SYT1: variants seen among roughly 807,000 people sequenced by gnomAD.
The protein encoded by SYT1 is synaptotagmin-1.
A neutral mutation model predicts 44.8 loss-of-function variants in SYT1; 8 were observed. The observed-to-expected ratio is 0.18, with a 90% confidence interval of 0.10 to 0.32. The LOEUF is 0.32. Among genes scored for constraint, SYT1 ranks in the 10% least tolerant of loss-of-function variants. The pLI, the probability that SYT1 is intolerant of heterozygous loss-of-function variation, is 1.00. For synonymous variants in SYT1, 154 were observed against 188.8 expected (o/e 0.82, Z 1.51); for missense variants, 286 against 509.3 (o/e 0.56, Z 4.22).
intron 2 of SYT1, among the ~76,000 whole-genome samples, chr12:78,995,203 C>A (rs749579879): frequency 2.0e-5 from 3 of 152,180 alleles, no homozygotes; most frequent in Non-Finnish European, 4.4e-5. Context: ...GAAGTTTTAA[C>A]AAGAATCCCC....
intron 4 of SYT1, among the ~76,000 whole-genome samples, chr12:79,280,811 GATA>G (rs1195606326): frequency 6.6e-6 from 1 of 151,424 alleles, no homozygotes; most frequent in Non-Finnish European, 1.5e-5. Flanking sequence ...AAGAAAAAAA[GATA>G]ATAATCCCAT....
intron 3 of SYT1, among the ~76,000 whole-genome samples, chr12:79,170,236 A>C (rs1036934246): frequency 1.3e-5 from 2 of 152,124 alleles, no homozygotes; most frequent in African/African-American, 4.8e-5. Context: ...GCTGGGTCAA[A>C]TGGTAGTTCT....
chr12:79,202,015 A>G (rs1440099849), intron 3 of SYT1, among the ~76,000 whole-genome samples: 1 of 152,198 alleles, frequency 6.6e-6, no homozygotes, highest in Non-Finnish European at 1.5e-5. Flanking sequence ...ATCTATAATT[A>G]CTGAATAAAA....
chr12:79,348,683 A>G (rs1181433972), intron 8 of SYT1, among the ~76,000 whole-genome samples: 2 of 152,154 alleles, frequency 1.3e-5, no homozygotes, highest in Non-Finnish European at 2.9e-5. Context: ...TTCAGAAAAT[A>G]TGACAGAAAT....
chr12:79,433,509 T>C (rs906340308), intron 9 of SYT1, among the ~76,000 whole-genome samples: 2 of 152,192 alleles, frequency 1.3e-5, no homozygotes, highest in Non-Finnish European at 2.9e-5. Context: ...AAAATCTCGC[T>C]AGTGACCTTT....
chr12:79,018,382 T>C (rs902462789), intron 2 of SYT1, among the ~76,000 whole-genome samples: 7 of 151,100 alleles, frequency 4.6e-5, no homozygotes, highest in Admixed American at 4.0e-4. Context: ...TTAGGAGATA[T>C]ACCTAATGCT....
chr12:79,068,599 T>C (rs1196021906), intron 3 of SYT1, among the ~76,000 whole-genome samples: 1 of 152,132 alleles, frequency 6.6e-6, no homozygotes, highest in African/African-American at 2.4e-5. Context: ...AAAAGTTTCA[T>C]AGGAAAAAGA....
intron 4 of SYT1, among the ~76,000 whole-genome samples, chr12:79,241,442 T>C (rs970532763): frequency 6.6e-6 from 1 of 152,076 alleles, no homozygotes; most frequent in Non-Finnish European, 1.5e-5. Flanking sequence ...GGCTAATTTT[T>C]TGTATTTTTA....
At chr12:79,340,327 G>C (rs545211314) in intron 8 of SYT1, among the ~76,000 whole-genome samples, 35 of 152,076 alleles carry the variant, frequency 2.3e-4, no homozygotes, top group Non-Finnish European at 4.9e-4. Context: ...CCATTTGCTT[G>C]TGTCCTCTTT....
intron 3 of SYT1, among the ~76,000 whole-genome samples, chr12:79,179,478 G>GATATAGATATATCTATATAGATAT (rs1565842326): frequency 5.6e-5 from 1 of 17,996 alleles, no homozygotes; most frequent in African/African-American, 2.0e-4. Flanking sequence ...TATAGATATA[G>GATATAGATATATCTATATAGATAT]AGATATAGAT....
intron 8 of SYT1, among the ~76,000 whole-genome samples, chr12:79,349,068 G>T (rs1047027187): frequency 3.0e-5 from 4 of 135,106 alleles, no homozygotes; most frequent in Non-Finnish European, 6.3e-5. Flanking sequence ...GAGGGAGGGA[G>T]GGAGGGAGGG....
At chr12:79,135,457 A>T (rs1186476257) in intron 3 of SYT1, among the ~76,000 whole-genome samples, 1 of 152,136 alleles carries the variant, frequency 6.6e-6, no homozygotes, top group African/African-American at 2.4e-5. Flanking sequence ...TTATTTAATT[A>T]CCATGTTCCT....
intron 2 of SYT1, among the ~76,000 whole-genome samples, chr12:79,042,994 T>A (rs1873712041): frequency 6.8e-6 from 1 of 146,824 alleles, no homozygotes; most frequent in South Asian, 2.2e-4. Flanking sequence ...TGAGAGATAG[T>A]TTGTTATAAT....
chr12:79,178,981 G>T (rs189233497), intron 3 of SYT1, among the ~76,000 whole-genome samples: 1 of 95,318 alleles, frequency 1.0e-5, no homozygotes, highest in East Asian at 2.5e-4. Flanking sequence ...TATAGATATA[G>T]ATATATCTAT....
intron 4 of SYT1, among the ~76,000 whole-genome samples, chr12:79,260,099 G>A (rs1592907397): frequency 6.6e-6 from 1 of 152,128 alleles, no homozygotes; most frequent in South Asian, 2.1e-4. Context: ...TATTCTAAAC[G>A]AATGACTTGT....
Position 79,137,390 on chromosome 12 carries a change from C to A in SYT1, c.-17-80113C>A, listed in dbSNP as rs145951672. Among the ~76,000 whole-genome samples the A allele has an allele frequency of 6.1e-3, 935 of 152,224 alleles. 14 individuals carry two copies. The highest frequency in any genetic ancestry group is 0.021 in the African/African-American group (868 of 41,518). On this transcript the variant is annotated intron_variant, in intron 3 of 10. Coordinates refer to ENST00000261205, the MANE Select transcript of SYT1 (RefSeq NM_005639.3). ...GGATTACAGGCATGAGCCACCCCAC[C>A]CGGCCAGAACTTTTTTATACTTGGA...
chr12:79,137,983 T>C (rs1304799305), intron 3 of SYT1, among the ~76,000 whole-genome samples: 1 of 152,230 alleles, frequency 6.6e-6, no homozygotes, highest in Non-Finnish European at 1.5e-5. Context: ...TAGATATTCA[T>C]GTCCTTTCTT....
intron 3 of SYT1, among the ~76,000 whole-genome samples, chr12:79,069,690 C>T (rs1416001863): frequency 6.6e-6 from 1 of 152,052 alleles, no homozygotes; most frequent in Non-Finnish European, 1.5e-5. Context: ...CAAATGAACA[C>T]ATAATAAGTA....
intron 3 of SYT1, among the ~76,000 whole-genome samples, chr12:79,167,241 T>C (rs1332840105): frequency 2.0e-5 from 3 of 152,042 alleles, no homozygotes; most frequent in African/African-American, 7.2e-5. Flanking sequence ...CAAGAAGACG[T>C]AGGGCATACT....
Sources: gnomAD v4.1 joint callset for allele counts (sites outside exome capture counted in the v4.1 genomes callset) on GRCh38, gnomAD v4.1.1 for gene constraint, MANE v1.5 for transcripts, NCBI Gene and HGNC (gene_info 2026-07-23, HGNC 2026-07-21) for gene names.